Variants in CABLES1 observed in about 807,000 individuals in gnomAD.
CABLES1 encodes the protein Cdk5 and Abl enzyme substrate 1, also known as CDK5 and ABL1 enzyme substrate 1.
Under a neutral mutation model 57.8 loss-of-function variants are expected in CABLES1, and 36 were observed. That is an observed-to-expected ratio of 0.62 (90% CI 0.48 to 0.82). The LOEUF is 0.82. Among genes scored for constraint, CABLES1 ranks in the 40% least tolerant of loss-of-function variants. The pLI, the probability that CABLES1 is intolerant of heterozygous loss-of-function variation, is 0.00. For synonymous variants in CABLES1, 374 were observed against 363.0 expected, an observed-to-expected ratio of 1.03 and a Z score of -0.35; for missense variants, 767 against 836.6, an observed-to-expected ratio of 0.92 and a Z score of 1.03.
At chr18:23,167,376 G>C (rs901611641) in intron 1 of CABLES1, among the ~76,000 whole-genome samples, 13 of 152,258 alleles carry the variant, frequency 8.5e-5, no homozygotes, top group Admixed American at 3.9e-4. Context: ...TTCAAAAGCT[G>C]TTTGGAAATT....
At chr18:23,256,563 C>G (rs1423888653) in intron 9 of CABLES1, among the ~76,000 whole-genome samples, 3 of 152,192 alleles carry the variant, frequency 2.0e-5, no homozygotes. Flanking sequence ...TCACTGCAAC[C>G]TCCACCTCCC....
chr18:23,221,915 C>T (rs188011774), intron 4 of CABLES1, among the ~76,000 whole-genome samples: 4 of 152,262 alleles, frequency 2.6e-5, no homozygotes, highest in African/African-American at 9.6e-5. Context: ...CAAGCCTGGC[C>T]GAGGAGGGAG....
At chr18:23,151,176 G>A (rs1203281914) in intron 1 of CABLES1, among the ~76,000 whole-genome samples, 6 of 151,832 alleles carry the variant, frequency 4.0e-5, no homozygotes, top group East Asian at 1.9e-4. Context: ...CCGCCACCAC[G>A]CCCGGCTAAT....
At chr18:23,210,616 C>T (rs2047398022) in intron 3 of CABLES1, among the ~76,000 whole-genome samples, 1 of 152,164 alleles carries the variant, frequency 6.6e-6, no homozygotes, top group African/African-American at 2.4e-5. Flanking sequence ...TCACATGGGA[C>T]CTGTTATCAG....
At position 23,252,958 on chromosome 18, in the gene CABLES1, A is replaced by G. The variant is rs2048075691; in HGVS notation, c.1447-2A>G. ...TGATCCGTGTTCCCCTGTCTGTTAC[A>G]GACAACAGTGATTGACTACGTGAAG... On this transcript the variant is annotated splice_acceptor_variant, in intron 7 of 9. Coordinates refer to ENST00000256925, the MANE Select transcript of CABLES1 (RefSeq NM_001100619.3). LOFTEE classifies it high-confidence loss of function. The G allele has an allele frequency of 6.3e-7, 1 of 1,599,794 alleles. No individual in the cohort carries two copies. Among genetic ancestry groups the G allele is most frequent in the Non-Finnish European group, 8.6e-7 (1 of 1,166,986 alleles).
intron 1 of CABLES1, among the ~76,000 whole-genome samples, chr18:23,180,155 T>A (rs1038920117): frequency 6.6e-6 from 1 of 152,126 alleles, no homozygotes; most frequent in Non-Finnish European, 1.5e-5. Context: ...TCTCCTGACC[T>A]CGTGATCCAC....
intron 7 of CABLES1, among the ~76,000 whole-genome samples, chr18:23,240,047 G>A (rs932223731): frequency 6.6e-6 from 1 of 152,210 alleles, no homozygotes; most frequent in South Asian, 2.1e-4. Context: ...GAACCCAGGA[G>A]GCAGAGGCTG....
chr18:23,199,220 T>A (rs2047306199), intron 3 of CABLES1, among the ~76,000 whole-genome samples: 2 of 152,220 alleles, frequency 1.3e-5, no homozygotes, highest in Admixed American at 6.5e-5. Context: ...AAGTTGGAAC[T>A]GTCATACATT....
intron 3 of CABLES1, among the ~76,000 whole-genome samples, chr18:23,209,981 T>G (rs1370217039): frequency 6.6e-6 from 1 of 152,174 alleles, no homozygotes; most frequent in East Asian, 1.9e-4. Context: ...GCAAGATCCC[T>G]CATACCAGAA....
At chr18:23,191,424 T>G (rs2047242021) in intron 2 of CABLES1, among the ~76,000 whole-genome samples, 2 of 152,194 alleles carry the variant, frequency 1.3e-5, no homozygotes, top group Non-Finnish European at 2.9e-5. Context: ...ACTTAGTGTC[T>G]CTGGGGCCTC....
Position 23,135,861 on chromosome 18 carries a change from G to GCAGCCC in CABLES1, c.105_110dup (p.Gln38_Pro39dup). ...CCAGCGGATTGCAGCAGCCGCCGCCGCAGCCCCAGCCTCAGCCCGCGGCCG... is the reference window on the plus strand; with the variant it reads ...CCAGCGGATTGCAGCAGCCGCCGCCGCAGCCCCAGCCCCAGCCTCAGCCCGCGGCCG... On this transcript the variant is annotated inframe_insertion, in exon 1 of 10. Transcript: ENST00000256925. The GCAGCCC allele has an allele frequency of 2.0e-6, 2 of 1,001,192 alleles. No homozygotes were observed. The highest frequency in any genetic ancestry group is 2.4e-6 in the Non-Finnish European group (2 of 839,936). 62.0% of individuals were successfully genotyped at this position (1,001,192 alleles called of 1,614,324 possible).
chr18:23,246,810 A>AGCCT (rs1298932282), intron 7 of CABLES1, among the ~76,000 whole-genome samples: 5 of 151,678 alleles, frequency 3.3e-5, no homozygotes, highest in Non-Finnish European at 7.3e-5. Flanking sequence ...TTCCTGCCTT[A>AGCCT]GCCTCCCAAG....
intron 1 of CABLES1, among the ~76,000 whole-genome samples, chr18:23,156,376 G>A (rs1473184356): frequency 2.0e-5 from 3 of 152,218 alleles, no homozygotes; most frequent in African/African-American, 7.2e-5. Flanking sequence ...GAAAGGGAGG[G>A]AGACCTGGAG....
At position 23,188,843 on chromosome 18, in the gene CABLES1, G is replaced by A. The variant is rs759864949; in HGVS notation, c.851G>A (p.Arg284His). The change falls in exon 2 of 10, where the codon CGC (arginine) becomes CAC (histidine). Residue 284 changes from arginine (R) to histidine (H), a missense_variant. Around this residue, in one of 4 missense-constraint regions of CABLES1, gnomAD observed 529 missense variants for 622.8 expected, o/e 0.85. Transcript: ENST00000256925. ...AFEQLQRSRR[R>H]LISQRSSLET... The stretch of plus-strand genomic sequence containing the variant: ...TTTTTTCCTTCTTTCTGCAGACGGC[G>A]CCTCATCTCCCAGAGATCTTCCTTG... The A allele has an allele frequency of 1.2e-5, 19 of 1,613,354 alleles. No individual in the cohort carries two copies. The highest frequency in any genetic ancestry group is 3.3e-5 in the South Asian group (3 of 91,062).
chr18:23,234,270 C>A (rs1486251784), intron 4 of CABLES1, among the ~76,000 whole-genome samples: 2 of 152,186 alleles, frequency 1.3e-5, no homozygotes, highest in African/African-American at 4.8e-5. Context: ...TAGATCCCAG[C>A]AAACTGTGGT....
rs922331421 is a variant in CABLES1 at position 23,259,296 on chromosome 18, C to G, written c.*1929C>G. The G allele has an allele frequency of 6.7e-6, 1 of 150,294 alleles. No homozygotes were observed. 9.3% of individuals were successfully genotyped at this position (150,294 alleles called of 1,614,324 possible). ...TAGAGAGCTCCCCACTGCCCATCTG[C>G]CCCCGAATTTCCTGCCAAGCTCTGG... On this transcript the variant is annotated 3_prime_UTR_variant, in exon 10 of 10. Transcript: ENST00000256925.
chr18:23,243,593 C>G (rs911914198), intron 7 of CABLES1, among the ~76,000 whole-genome samples: 3 of 150,516 alleles, frequency 2.0e-5, no homozygotes, highest in African/African-American at 7.3e-5. Flanking sequence ...AAAACTAACA[C>G]AGGCCTCGGT....
intron 1 of CABLES1, among the ~76,000 whole-genome samples, chr18:23,142,950 C>G (rs1335190240): frequency 2.6e-5 from 4 of 152,176 alleles, no homozygotes; most frequent in Non-Finnish European, 4.4e-5. Context: ...TAGAAACACC[C>G]TGAGACAGTA....
intron 2 of CABLES1, among the ~76,000 whole-genome samples, chr18:23,193,646 T>C (rs1341006120): frequency 6.6e-6 from 1 of 152,212 alleles, no homozygotes; most frequent in Non-Finnish European, 1.5e-5. Context: ...ACTGAGACTC[T>C]TGTTTGTTGA....
Sources: allele counts gnomAD v4.1 joint callset (sites outside exome capture counted in the v4.1 genomes callset), GRCh38; gene constraint gnomAD v4.1.1; regional missense constraint gnomAD v4.1.1; transcripts MANE v1.5; gene names NCBI Gene and HGNC (gene_info 2026-07-23, HGNC 2026-07-21).